The following NTM variants were observed in gnomAD, a reference collection of about 807,000 sequenced individuals.
NTM encodes the protein neurotrimin.
NTM carries 13 observed loss-of-function variants against 42.1 expected under a neutral mutation model. The observed-to-expected ratio is 0.31, with a 90% CI of 0.20 to 0.49. The LOEUF is 0.49. Ranked by LOEUF, NTM falls within the 20% of genes least tolerant of loss-of-function variation. The pLI is 0.99. For synonymous variants in NTM, 187 were observed against 179.2 expected, an observed-to-expected ratio of 1.04 and a Z score of -0.35; for missense variants, 373 against 452.8, an observed-to-expected ratio of 0.82 and a Z score of 1.60.
At chr11:131,747,293 G>A (rs571354553) in intron 1 of NTM, among the ~76,000 whole-genome samples, 12 of 152,272 alleles carry the variant, frequency 7.9e-5, no homozygotes, top group African/African-American at 2.6e-4. Context: ...CCCAAGCTTA[G>A]CATCTCTTCT....
intron 2 of NTM, among the ~76,000 whole-genome samples, chr11:131,971,701 A>G (rs2063550387): frequency 6.6e-6 from 1 of 151,468 alleles, no homozygotes; most frequent in Non-Finnish European, 1.5e-5. Flanking sequence ...TATTAAAATG[A>G]CCATCTCAGC....
chr11:131,729,060 A>T (rs1360466115), intron 1 of NTM, among the ~76,000 whole-genome samples: 1 of 152,242 alleles, frequency 6.6e-6, no homozygotes, highest in Non-Finnish European at 1.5e-5. Flanking sequence ...TTTAGGAGTC[A>T]GGCTATATGG....
intron 2 of NTM, among the ~76,000 whole-genome samples, chr11:132,023,359 A>G (rs1214903308): frequency 6.6e-6 from 1 of 152,236 alleles, no homozygotes; most frequent in African/African-American, 2.4e-5. Flanking sequence ...AAACACAAGT[A>G]ATAATGCACT....
chr11:132,119,743 C>G (rs3925045), intron 2 of NTM, among the ~76,000 whole-genome samples: 21,591 of 152,206 alleles, frequency 0.14, 1,661 homozygotes, highest in South Asian at 0.2. Flanking sequence ...CTTTGGGGAC[C>G]TTCTGCACCA....
chr11:132,011,039 G>A (rs1386082353), intron 2 of NTM, among the ~76,000 whole-genome samples: 2 of 151,368 alleles, frequency 1.3e-5, no homozygotes, highest in Non-Finnish European at 2.9e-5. Flanking sequence ...ATGCTCTGTG[G>A]CATTGAGTTG....
intron 2 of NTM, among the ~76,000 whole-genome samples, chr11:132,110,619 A>G (rs570687962): frequency 6.6e-6 from 1 of 152,342 alleles, no homozygotes; most frequent in East Asian, 1.9e-4. Flanking sequence ...TTATTTGAAA[A>G]TTACATTAAA....
chr11:132,006,447 A>C (rs925071496), intron 2 of NTM, among the ~76,000 whole-genome samples: 7 of 152,242 alleles, frequency 4.6e-5, no homozygotes, highest in Admixed American at 6.5e-5. Flanking sequence ...AGCCAAGAGA[A>C]TATGAGAAGG....
intron 1 of NTM, among the ~76,000 whole-genome samples, chr11:131,822,870 G>A (rs2093250690): frequency 6.6e-6 from 1 of 152,186 alleles, no homozygotes; most frequent in African/African-American, 2.4e-5. Context: ...CAAACACACA[G>A]GGAAATACCT....
chr11:132,288,623 T>G (rs541716470), intron 4 of NTM, among the ~76,000 whole-genome samples: 2 of 152,094 alleles, frequency 1.3e-5, no homozygotes, highest in African/African-American at 2.4e-5. Flanking sequence ...CTTTCTTTCT[T>G]TTTCTTTTTT....
At chr11:132,276,564 C>T (rs1292133225) in intron 4 of NTM, among the ~76,000 whole-genome samples, 3 of 152,180 alleles carry the variant, frequency 2.0e-5, no homozygotes, top group African/African-American at 2.4e-5. Context: ...TTCATGCTGA[C>T]ACCTGCTTTC....
At chr11:131,404,879 G>A (rs766850370) in intron 1 of NTM, among the ~76,000 whole-genome samples, 7 of 152,118 alleles carry the variant, frequency 4.6e-5, no homozygotes, top group Admixed American at 1.3e-4. Context: ...ACAGTGATTC[G>A]CCATTGAAAT....
intron 3 of NTM, among the ~76,000 whole-genome samples, chr11:132,170,340 A>G (rs1411914365): frequency 6.6e-6 from 1 of 152,198 alleles, no homozygotes; most frequent in East Asian, 1.9e-4. Flanking sequence ...CAATAGGTAT[A>G]CAGCTAGGGA....
chr11:132,183,105 G>A (rs752286407), intron 3 of NTM, among the ~76,000 whole-genome samples: 14 of 152,070 alleles, frequency 9.2e-5, no homozygotes, highest in Non-Finnish European at 1.9e-4. Flanking sequence ...ACACCTGCTG[G>A]CACACCCTTG....
intron 1 of NTM, among the ~76,000 whole-genome samples, chr11:131,814,095 G>A (rs1035798957): frequency 3.3e-5 from 5 of 152,134 alleles, no homozygotes; most frequent in African/African-American, 1.2e-4. Context: ...TAGAGCTAAT[G>A]TACTTCCCAG....
chr11:131,561,739 C>T (rs540900177), intron 1 of NTM, among the ~76,000 whole-genome samples: 6 of 152,328 alleles, frequency 3.9e-5, no homozygotes, highest in African/African-American at 1.4e-4. Flanking sequence ...TGCATTGCCC[C>T]ACACTTTCCT....
chr11:131,962,666 C>T (rs1045794857), intron 2 of NTM, among the ~76,000 whole-genome samples: 1 of 152,170 alleles, frequency 6.6e-6, no homozygotes, highest in Admixed American at 6.5e-5. Context: ...TCTAACTGGC[C>T]AAGACACTAA....
At chr11:131,852,603 A>G (rs1261684999) in intron 1 of NTM, among the ~76,000 whole-genome samples, 1 of 152,148 alleles carries the variant, frequency 6.6e-6, no homozygotes, top group Non-Finnish European at 1.5e-5. Flanking sequence ...ATGTGGAGTA[A>G]CAGTGCCTGC....
intron 2 of NTM, among the ~76,000 whole-genome samples, chr11:131,952,513 C>T (rs547291412): frequency 1.4e-4 from 22 of 152,274 alleles, no homozygotes; most frequent in African/African-American, 4.8e-4. Context: ...TTTATTTACA[C>T]ACTCTCTCTC....
intron 1 of NTM, among the ~76,000 whole-genome samples, chr11:131,874,419 A>T (rs1020976543): frequency 1.3e-5 from 2 of 152,176 alleles, no homozygotes; most frequent in Non-Finnish European, 2.9e-5. Context: ...AAGCAGCAGC[A>T]ACAACAAAAT....
Sources: allele counts gnomAD v4.1 joint callset (sites outside exome capture counted in the v4.1 genomes callset), GRCh38; gene constraint gnomAD v4.1.1; transcripts MANE v1.5; gene names NCBI Gene and HGNC (gene_info 2026-07-23, HGNC 2026-07-21).